Variants in NIPSNAP3B observed in about 807,000 individuals in gnomAD.
NIPSNAP3B encodes protein NipSnap homolog 3B.
NIPSNAP3B carries 30 observed loss-of-function variants against 31.5 expected under a neutral mutation model. That is an observed-to-expected ratio of 0.95 (90% confidence interval 0.71 to 1.29). NIPSNAP3B has a LOEUF of 1.29. Ranked by LOEUF, NIPSNAP3B falls within the 50% of genes most tolerant of loss-of-function variation. NIPSNAP3B has a pLI of 0.00. For missense variants in NIPSNAP3B, 269 were observed against 300.7 expected, an observed-to-expected ratio of 0.89 and a Z score of 0.78; for synonymous variants, 106 against 107.9, an observed-to-expected ratio of 0.98 and a Z score of 0.11.
the NIPSNAP3B span, chr9:104,785,363 A>T: frequency 6.2e-7 from 1 of 1,612,944 alleles, no homozygotes; most frequent in African/African-American, 1.3e-5. Flanking sequence ...CCACACCCTG[A>T]GAAGTAAATC....
At position 104,774,852 on chromosome 9, in the gene NIPSNAP3B, A is replaced by G. The variant is rs908455127; in HGVS notation, c.*1779A>G. ...CATTGTATTTTTCTCTATTTTATTC[A>G]TTCTTTCATTCTCTTCGATGACTCC... On this transcript the variant is annotated 3_prime_UTR_variant, in exon 6 of 6. Transcript: ENST00000374762. 6.6e-6 allele frequency among the ~76,000 whole-genome samples: 1 copy of G among 152,152 alleles called. No individual in the cohort carries two copies. The highest frequency in any genetic ancestry group is 1.5e-5 in the Non-Finnish European group (1 of 68,028).
chr9:104,787,318 T>C, the NIPSNAP3B span, among the ~76,000 whole-genome samples: 1 of 152,286 alleles, frequency 6.6e-6, no homozygotes, highest in East Asian at 1.9e-4. Context: ...GAAACCTCTA[T>C]TGAAGTCAGT....
chr9:104,780,574 C>A (rs1828463822), downstream of NIPSNAP3B, among the ~76,000 whole-genome samples: 1 of 152,216 alleles, frequency 6.6e-6, no homozygotes. Context: ...TTCCTGCTCA[C>A]CATTGCCACC....
At chr9:104,785,500 G>A in the NIPSNAP3B span, 1 of 1,612,046 alleles carries the variant, frequency 6.2e-7, no homozygotes, top group Non-Finnish European at 8.5e-7. Flanking sequence ...AATGAAGATG[G>A]AAGCTGGTAT....
chr9:104,786,260 C>G, the NIPSNAP3B span: 2 of 1,500,292 alleles, frequency 1.3e-6, no homozygotes, highest in South Asian at 2.3e-5. Flanking sequence ...ATCAAGCCTT[C>G]TCACTAGGCA....
Position 104,774,890 on chromosome 9 carries a change from G to A in NIPSNAP3B, c.*1817G>A, listed in dbSNP as rs529164476. Among the ~76,000 whole-genome samples the A allele has an allele frequency of 1.8e-4, 28 of 152,058 alleles. 1 individual carries two copies. The highest frequency in any genetic ancestry group is 1.7e-3 in the South Asian group (8 of 4,788). ...CTTCGATGACTCCCAGCACCTGCGC[G>A]TCCATCTTCATTCTTAGCCAATGAC... On this transcript the variant is annotated 3_prime_UTR_variant, in exon 6 of 6. Transcript: ENST00000374762.
At position 104,772,997 on chromosome 9, in the gene NIPSNAP3B, T is replaced by A. The variant is rs2088172273; in HGVS notation, c.668T>A (p.Val223Asp). ...SHEDPRVVAA[V>D]RESVNYLVSQ... is the part of the protein sequence containing the mutation. ...GCCTTCTTATGAAATGTTTTTCCAGTTCGGGAAAGTGTCAACTACCTAGTT... is the reference window on the plus strand; with the variant it reads ...GCCTTCTTATGAAATGTTTTTCCAGATCGGGAAAGTGTCAACTACCTAGTT... The change falls in exon 6 of 6, where the codon GTT becomes GAT. Residue 223 changes from valine to aspartate, a missense_variant and splice_region_variant. Transcript: ENST00000374762. 1 of 1,613,972 alleles carries A rather than the reference T, an allele frequency of 6.2e-7. No homozygotes were observed. Among genetic ancestry groups the A allele is most frequent in the Admixed American group, 1.7e-5 (1 of 60,006 alleles).
the NIPSNAP3B span, chr9:104,784,571 T>C: frequency 2.5e-6 from 3 of 1,210,504 alleles, no homozygotes; most frequent in South Asian, 3.9e-5. Flanking sequence ...CAGAATTACA[T>C]AAATGGATTA....
chr9:104,775,419 G>A lies in NIPSNAP3B; in HGVS notation c.*2346G>A, dbSNP rs991877574. 5.9e-5 allele frequency among the ~76,000 whole-genome samples: 9 copies of A among 151,964 alleles called. No homozygotes were observed. The highest frequency in any genetic ancestry group is 3.9e-4 in the East Asian group (2 of 5,182). ...TTCTGGGAAGTTTCTTCGTTTCTCC[G>A]AAACACTCACTGCACAAGCCTTCAT... is the stretch of plus-strand genomic sequence containing the variant. On this transcript the variant is annotated 3_prime_UTR_variant, in exon 6 of 6. Transcript: ENST00000374762.
chr9:104,775,044 C>T lies in NIPSNAP3B; in HGVS notation c.*1971C>T, dbSNP rs138169055. On this transcript the variant is annotated 3_prime_UTR_variant, in exon 6 of 6. Transcript: ENST00000374762. ...CTCCTTTCACTGTGGATGAACCGCCCGTGCCCCAAGCAAAGACAAACCCTC... is the reference window on the plus strand; with the variant it reads ...CTCCTTTCACTGTGGATGAACCGCCTGTGCCCCAAGCAAAGACAAACCCTC... 2.3e-3 allele frequency among the ~76,000 whole-genome samples: 352 copies of T among 152,122 alleles called. No individual in the cohort carries two copies. The highest frequency in any genetic ancestry group is 7.5e-3 in the South Asian group (36 of 4,814).
At chr9:104,772,693 C>A in intron 4 of NIPSNAP3B, 129 bp from the exon 5 acceptor site, 2 of 1,134,526 alleles carry the variant, frequency 1.8e-6, no homozygotes, top group Non-Finnish European at 2.6e-6. Flanking sequence ...AATCTTATAA[C>A]TAACATATTT....
rs529848567 is a variant in NIPSNAP3B at position 104,774,874 on chromosome 9, C to G, written c.*1801C>G. On this transcript the variant is annotated 3_prime_UTR_variant, in exon 6 of 6. Transcript: ENST00000374762. ...TTCATTCTTTCATTCTCTTCGATGA[C>G]TCCCAGCACCTGCGCGTCCATCTTC... 6.6e-6 allele frequency among the ~76,000 whole-genome samples: 1 copy of G among 152,096 alleles called. No individual in the cohort carries two copies. Among genetic ancestry groups the G allele is most frequent in the African/African-American group, 2.4e-5 (1 of 41,414 alleles).
rs1390173236 is a variant in NIPSNAP3B, at chr9:104,776,960, G to A, written c.*3887G>A. 6.6e-6 allele frequency among the ~76,000 whole-genome samples: 1 copy of A among 152,182 alleles called. No individual in the cohort carries two copies. The highest frequency in any genetic ancestry group is 1.5e-5 in the Non-Finnish European group (1 of 68,034). ...TTAACAGATTACATAACTGTTATTG[G>A]AAGTGCCTCACTACTCCATTTGGAA... On this transcript the variant is annotated 3_prime_UTR_variant, in exon 6 of 6. Coordinates refer to ENST00000374762, the MANE Select transcript of NIPSNAP3B (RefSeq NM_018376.4).
chr9:104,764,650 C>A (rs947320239), intron 1 of NIPSNAP3B, among the ~76,000 whole-genome samples: 15 of 152,368 alleles, frequency 9.8e-5, no homozygotes, highest in African/African-American at 3.4e-4. Context: ...AGCGATTCTC[C>A]TGCCTCATCC....
chr9:104,787,933 G>A, the NIPSNAP3B span: 1 of 1,614,072 alleles, frequency 6.2e-7, no homozygotes, highest in African/African-American at 1.3e-5. Context: ...AAACACCACA[G>A]GAGGCCCGCC....
the NIPSNAP3B span, among the ~76,000 whole-genome samples, chr9:104,789,253 C>T: frequency 6.6e-6 from 1 of 152,196 alleles, no homozygotes; most frequent in Non-Finnish European, 1.5e-5. Flanking sequence ...CACAGCTATA[C>T]CAACCAAATC....
At chr9:104,772,564 C>T (rs1401858184) in intron 4 of NIPSNAP3B, among the ~76,000 whole-genome samples, 2 of 152,046 alleles carry the variant, frequency 1.3e-5, no homozygotes, top group Admixed American at 1.3e-4. Flanking sequence ...AGTAGGAAGT[C>T]ATTAAACTCG....
the NIPSNAP3B span, chr9:104,790,840 T>A: frequency 1.0e-6 from 1 of 972,828 alleles, no homozygotes; most frequent in Non-Finnish European, 1.6e-6. Flanking sequence ...AATACCACTG[T>A]AATCAAAAAT....
chr9:104,785,724 C>A, the NIPSNAP3B span: 1 of 1,573,440 alleles, frequency 6.4e-7, no homozygotes, highest in African/African-American at 1.4e-5. Context: ...CAACTTGTGC[C>A]ATGAAAAAGG....
Sources: gnomAD v4.1 joint callset for allele counts (sites outside exome capture counted in the v4.1 genomes callset) on GRCh38, gnomAD v4.1.1 for gene constraint, MANE v1.5 for transcripts, NCBI Gene and HGNC (gene_info 2026-07-23, HGNC 2026-07-21) for gene names.